The following PREX1 variants were observed in gnomAD, a reference collection of about 807,000 sequenced individuals.
PREX1 encodes phosphatidylinositol 3,4,5-trisphosphate-dependent Rac exchanger 1 protein.
A neutral mutation model predicts 198.3 loss-of-function variants in PREX1; 41 were observed. The observed-to-expected ratio is 0.21, with a 90% CI of 0.16 to 0.27. The LOEUF is 0.27. Ranked by LOEUF, PREX1 falls within the 10% of genes least tolerant of loss-of-function variation. PREX1 has a pLI of 1.00. For synonymous variants in PREX1, 843 were observed against 887.2 expected, an observed-to-expected ratio of 0.95 and a Z score of 0.89; for missense variants, 1,620 against 2,200.7, an observed-to-expected ratio of 0.74 and a Z score of 5.28.
the PREX1 span, among the ~76,000 whole-genome samples, chr20:48,868,327 T>C: frequency 6.6e-6 from 1 of 152,080 alleles, no homozygotes; most frequent in Non-Finnish European, 1.5e-5. Context: ...ACTTAATTTT[T>C]TTTTTTTGAG....
intron 7 of PREX1, 53 bp downstream of exon 7, chr20:48,700,700 T>C (rs2089869164): frequency 6.2e-7 from 1 of 1,600,432 alleles, no homozygotes; most frequent in Admixed American, 1.7e-5. Flanking sequence ...GCCCAAGGCA[T>C]CACCTGGAGA....
At chr20:48,763,418 C>T (rs530227525) in intron 1 of PREX1, among the ~76,000 whole-genome samples, 1 of 152,266 alleles carries the variant, frequency 6.6e-6, no homozygotes, top group Admixed American at 6.5e-5. Flanking sequence ...CTCGGGGCCC[C>T]AGGATGCAGG....
Position 48,645,901 on chromosome 20 carries a change from C to G in PREX1, c.3462G>C (p.Glu1154Asp). Residue 1154 changes from glutamate (E) to aspartate (D), a missense_variant, in exon 26 of 40, where the codon GAG becomes GAC. Transcript: ENST00000371941. ...IKKVCFKVAE[E>D]DQEDSGHDTM... ...TGTCGTGGCCTGAGTCCTCCTGGTC[C>G]TCCTCGGCCACCTTGAAGCACACCT... is the stretch of plus-strand genomic sequence containing the variant. 1 of 1,614,216 alleles carries G rather than the reference C, an allele frequency of 6.2e-7. No individual in the cohort carries two copies. The highest frequency in any genetic ancestry group is 1.1e-5 in the South Asian group (1 of 91,090).
At chr20:48,759,442 T>C (rs6019407) in intron 1 of PREX1, among the ~76,000 whole-genome samples, 110,280 of 150,916 alleles carry the variant, frequency 0.73, 41,884 homozygotes, top group African/African-American at 0.94. Context: ...CCCAGCTACT[T>C]GCGAGGCTAA....
chr20:48,853,975 T>G, the PREX1 span, among the ~76,000 whole-genome samples: 1 of 152,214 alleles, frequency 6.6e-6, no homozygotes, highest in African/African-American at 2.4e-5. Context: ...CTTCTCTCCA[T>G]GGGGTCCCGT....
At chr20:48,860,856 C>T in the PREX1 span, among the ~76,000 whole-genome samples, 9 of 149,278 alleles carry the variant, frequency 6.0e-5, no homozygotes, top group African/African-American at 9.8e-5. Context: ...AAAGGCCAGA[C>T]GCAGTGGCTC....
intron 8 of PREX1, chr20:48,692,301 T>C (rs2089823443): frequency 5.1e-6 from 1 of 194,904 alleles, no homozygotes; most frequent in African/African-American, 2.3e-5. Flanking sequence ...CTTAAACATA[T>C]GTAATCATGT....
chr20:48,827,660 G>A lies in PREX1; in HGVS notation c.201C>T (p.Thr67=). 2 of 1,333,606 alleles carry A rather than the reference G, an allele frequency of 1.5e-6. No homozygotes were observed. The highest frequency in any genetic ancestry group is 1.9e-6 in the Non-Finnish European group (2 of 1,029,240). The allele number at this position is 1,333,606 out of a possible 1,614,324, so 82.6% of individuals were successfully genotyped here. A position where few individuals can be genotyped will look rare whatever the true frequency, so the allele number is the denominator to read the frequency against. The part of the protein sequence containing the change: ...ILGTERDYVG[T]LRFLQSAFLH... Reference sequence around the variant, plus strand: ...CACTCACCGACTGCAAGAAGCGCAAGGTGCCCACGTAGTCCCTCTCGGTGC... The same window carrying A: ...CACTCACCGACTGCAAGAAGCGCAAAGTGCCCACGTAGTCCCTCTCGGTGC... Residue 67 remains threonine, a synonymous_variant, in exon 1 of 40, where the codon ACC becomes ACT. Coordinates refer to ENST00000371941, the MANE Select transcript of PREX1 (RefSeq NM_020820.4). This position sits in a 1 kb window ranked among gnomAD's most constrained non-coding sequence, Gnocchi z 4.1.
At chr20:48,707,450 C>T (rs1241421501) in intron 6 of PREX1, among the ~76,000 whole-genome samples, 1 of 152,174 alleles carries the variant, frequency 6.6e-6, no homozygotes, top group Non-Finnish European at 1.5e-5. Flanking sequence ...TACAGCCTCA[C>T]ATTTAGGATT....
intron 1 of PREX1, among the ~76,000 whole-genome samples, chr20:48,753,757 C>G (rs895270574): frequency 6.6e-6 from 1 of 152,202 alleles, no homozygotes; most frequent in Non-Finnish European, 1.5e-5. Context: ...ACGTGCTGTT[C>G]TTTGCCTACA....
intron 14 of PREX1, among the ~76,000 whole-genome samples, chr20:48,671,687 C>T (rs777146852): frequency 7.9e-5 from 12 of 152,194 alleles, no homozygotes; most frequent in Admixed American, 1.3e-4. Context: ...GAAATCAAGA[C>T]GGGCTGTAAC....
chr20:48,726,339 T>C lies in PREX1; in HGVS notation c.572A>G (p.Tyr191Cys). ...RKTTDIPLEG[Y>C]LLSPIQRICK... ...GATCCTCTGGATCGGAGACAACAGG[T>C]AGCCTTCCAAAGGGATGTCCGTGGT... Residue 191 changes from tyrosine (Y) to cysteine (C), a missense_variant, in exon 5 of 40, where the codon TAC (tyrosine) becomes TGC (cysteine). Tyr to Cys is a radical substitution (Grantham distance 194). This residue lies in a region of PREX1 where 488 missense variants were observed against 802.5 expected (regional missense o/e 0.61). Transcript: ENST00000371941. 6.2e-7 allele frequency: 1 copy of C among 1,613,974 alleles called. No individual in the cohort carries two copies. Among genetic ancestry groups the C allele is most frequent in the Non-Finnish European group, 8.5e-7 (1 of 1,179,966 alleles).
intron 10 of PREX1, 105 bp downstream of exon 10, chr20:48,688,552 G>C: frequency 6.9e-7 from 1 of 1,444,844 alleles, no homozygotes; most frequent in Non-Finnish European, 9.5e-7. Context: ...CTCTGCCCAG[G>C]ATGGCTCCTG....
In PREX1 at chr20:48,666,253, G is replaced by C. The variant is rs182009508; in HGVS notation, c.1738+30C>G. On this transcript the variant is annotated intron_variant, in intron 15 of 39. Coordinates refer to ENST00000371941, the MANE Select transcript of PREX1 (RefSeq NM_020820.4). The surrounding 1 kb of genome is among the most constrained non-coding windows in gnomAD (Gnocchi z 4.3). ...CATCAGCTCCAGGGAGCAAGGTCCC[G>C]GGGGCTGGGCTGCAGGTGGGGGTGG... The C allele has an allele frequency of 1.3e-6, 2 of 1,537,858 alleles. No homozygotes were observed. Among genetic ancestry groups the C allele is most frequent in the Non-Finnish European group, 1.8e-6 (2 of 1,137,516 alleles).
chr20:48,883,568 A>C, the PREX1 span, among the ~76,000 whole-genome samples: 2 of 152,150 alleles, frequency 1.3e-5, no homozygotes. Context: ...TAAGATCAAC[A>C]TACAAAAATT....
At chr20:48,686,095 C>T (rs1359893999) in intron 10 of PREX1, among the ~76,000 whole-genome samples, 3 of 152,078 alleles carry the variant, frequency 2.0e-5, no homozygotes, top group Non-Finnish European at 2.9e-5. Flanking sequence ...CTCTGTGCCT[C>T]GGTTTCCTCA....
intron 5 of PREX1, among the ~76,000 whole-genome samples, chr20:48,724,280 C>T (rs543945188): frequency 2.0e-5 from 3 of 152,328 alleles, no homozygotes; most frequent in Admixed American, 6.5e-5. Flanking sequence ...TGCCCCATCT[C>T]CAAGAGGGGG....
In PREX1 at chr20:48,827,493, G is replaced by A. The variant is rs964989048; in HGVS notation, c.219+149C>T. ...GAGGCGACGCGACAGCTCTGGAGGA[G>A]CTCGGATCCCCCCCGCTTTCCGCGC... On this transcript the variant is annotated intron_variant, in intron 1 of 39. Transcript: ENST00000371941. This position sits in a 1 kb window ranked among gnomAD's most constrained non-coding sequence, Gnocchi z 4.1. The A allele has an allele frequency of 1.9e-6, 1 of 513,906 alleles. No individual in the cohort carries two copies. 31.8% of individuals were successfully genotyped at this position (513,906 alleles called of 1,614,324 possible).
chr20:48,625,794 G>C lies in PREX1; in HGVS notation c.*91C>G. 7.2e-7 allele frequency: 1 copy of C among 1,382,646 alleles called. No individual in the cohort carries two copies. 85.6% of individuals were successfully genotyped at this position (1,382,646 alleles called of 1,614,324 possible). A position where few individuals can be genotyped will look rare whatever the true frequency, so the allele number is the denominator to read the frequency against. On this transcript the variant is annotated 3_prime_UTR_variant, in exon 40 of 40. Coordinates refer to ENST00000371941, the MANE Select transcript of PREX1 (RefSeq NM_020820.4). Reference sequence around the variant, plus strand: ...CGGAACGGGCGGCTGCGGAAGCCTTGGGCCATCCCTGGAGAAGGCCAGCGC... The same window carrying C: ...CGGAACGGGCGGCTGCGGAAGCCTTCGGCCATCCCTGGAGAAGGCCAGCGC...
Sources: allele counts gnomAD v4.1 joint callset (sites outside exome capture counted in the v4.1 genomes callset), GRCh38; gene constraint gnomAD v4.1.1; regional missense constraint gnomAD v4.1.1; non-coding constraint Gnocchi (gnomAD v3.1); transcripts MANE v1.5; gene names NCBI Gene and HGNC (gene_info 2026-07-23, HGNC 2026-07-21).